SCUBE2: variants seen among roughly 807,000 people sequenced by gnomAD.
SCUBE2 encodes the protein signal peptide, CUB domain and EGF like domain containing 2.
A neutral mutation model predicts 125.9 loss-of-function variants in SCUBE2; 114 were observed. The observed-to-expected ratio is 0.91, with a 90% CI of 0.78 to 1.06. The LOEUF (loss-of-function observed/expected upper bound fraction) is 1.06. SCUBE2 is among the 50% of genes least tolerant of loss of function. The probability of loss-of-function intolerance (pLI) is 0.00; values close to 1 mark genes in which losing one functional copy is unlikely to be tolerated. For synonymous variants in SCUBE2, 459 were observed against 492.9 expected, an observed-to-expected ratio of 0.93 and a Z score of 0.91; for missense variants, 1,255 against 1,301.8, an observed-to-expected ratio of 0.96 and a Z score of 0.55.
intron 13 of SCUBE2, among the ~76,000 whole-genome samples, chr11:9,051,990 C>A (rs1858463371): frequency 6.6e-6 from 1 of 152,146 alleles, no homozygotes; most frequent in Non-Finnish European, 1.5e-5. Flanking sequence ...ATCCCAGCTC[C>A]CCTATTTCTT....
intron 16 of SCUBE2, among the ~76,000 whole-genome samples, chr11:9,042,366 C>A (rs995150218): frequency 6.6e-6 from 1 of 151,980 alleles, no homozygotes; most frequent in Non-Finnish European, 1.5e-5. Context: ...GCCGCAGTAA[C>A]CTTCCAAGAT....
intron 14 of SCUBE2, among the ~76,000 whole-genome samples, chr11:9,049,698 T>G (rs1221340567): frequency 6.6e-6 from 1 of 152,208 alleles, no homozygotes; most frequent in Non-Finnish European, 1.5e-5. Flanking sequence ...AGGGTGAGTT[T>G]TCTTTTTGTT....
chr11:9,027,099 C>T lies in SCUBE2; in HGVS notation c.2701+265G>A, dbSNP rs1855829262. ...ATGATCCTCACTGGCTCTCTGGGTC[C>T]TTGTGGAAGAGGGTCCAAAACGCCC... On this transcript the variant is annotated intron_variant, in intron 20 of 22. Transcript: ENST00000649792. 16 of 483,724 alleles carry T rather than the reference C, an allele frequency of 3.3e-5. No homozygotes were observed. The South Asian group carries it at 3.4e-4, about 10-fold the overall frequency. 30.0% of individuals were successfully genotyped at this position (483,724 alleles called of 1,614,324 possible).
At chr11:9,044,985 C>A (rs151068110) in intron 16 of SCUBE2, among the ~76,000 whole-genome samples, 4 of 152,296 alleles carry the variant, frequency 2.6e-5, no homozygotes, top group African/African-American at 9.6e-5. Flanking sequence ...CACTTCCCTG[C>A]AGCCCTGCTC....
Position 9,089,792 on chromosome 11 carries a change from A to T in SCUBE2, c.171T>A (p.His57Gln). 1 of 1,613,986 alleles carries T rather than the reference A, an allele frequency of 6.2e-7. No homozygotes were observed. The highest frequency in any genetic ancestry group is 8.5e-7 in the Non-Finnish European group (1 of 1,179,914). Reference sequence around the variant, plus strand: ...GTGTGTTCTGACACAGGGCGTCGGCATGGCAGTCATCTAGCCCTTGGGCAC... The same window carrying T: ...GTGTGTTCTGACACAGGGCGTCGGCTTGGCAGTCATCTAGCCCTTGGGCAC... ...DECAQGLDDC[H>Q]ADALCQNTPT... The change falls in exon 2 of 23, where the codon CAT becomes CAA. Residue 57 changes from histidine to glutamine, a missense_variant. His to Gln is a conservative substitution (Grantham distance 24). Coordinates refer to ENST00000649792, the MANE Select transcript of SCUBE2 (RefSeq NM_001367977.2).
At chr11:9,022,108 C>G in intron 21 of SCUBE2, 153 bp from the exon 22 acceptor site, 2 of 599,274 alleles carry the variant, frequency 3.3e-6, no homozygotes, top group Non-Finnish European at 3.1e-6. Context: ...AAGAAAACTT[C>G]CACAGACTCC....
intron 16 of SCUBE2, among the ~76,000 whole-genome samples, chr11:9,036,109 C>T (rs1013501061): frequency 1.3e-5 from 2 of 152,168 alleles, no homozygotes; most frequent in African/African-American, 4.8e-5. Flanking sequence ...TGGCTGGTCT[C>T]GAACTCCTGA....
chr11:9,034,507 G>A (rs1326120541), intron 16 of SCUBE2, among the ~76,000 whole-genome samples: 1 of 152,134 alleles, frequency 6.6e-6, no homozygotes, highest in Non-Finnish European at 1.5e-5. Flanking sequence ...CTGAGCCTAA[G>A]AATTTGAGTC....
At chr11:9,071,939 C>T (rs7929797) in intron 4 of SCUBE2, among the ~76,000 whole-genome samples, 133,090 of 152,012 alleles carry the variant, frequency 0.88, 58,368 homozygotes, top group Middle Eastern at 0.9. Flanking sequence ...GGGTGATGTG[C>T]TTCTCTCCAG....
intron 13 of SCUBE2, among the ~76,000 whole-genome samples, 154 bp downstream of exon 13, chr11:9,052,592 C>G (rs548489572): frequency 6.6e-6 from 1 of 152,276 alleles, no homozygotes; most frequent in South Asian, 2.1e-4. Context: ...TTCCGGGCAC[C>G]AGGACTGCAG....
intron 4 of SCUBE2, 101 bp from the exon 5 acceptor site, chr11:9,069,596 CT>C: frequency 6.8e-7 from 1 of 1,465,028 alleles, no homozygotes. Flanking sequence ...GATCTGTCTG[CT>C]TAGGTCTCCA....
At chr11:9,030,105 C>T (rs1393444074) in intron 18 of SCUBE2, 60 bp from the exon 19 acceptor site, 1 of 1,555,776 alleles carries the variant, frequency 6.4e-7, no homozygotes, top group African/African-American at 1.4e-5. Context: ...TAATCAAATG[C>T]AGCACAAAGA....
chr11:9,079,475 G>T lies in SCUBE2; in HGVS notation c.291C>A (p.Gly97=). 2 of 1,613,848 alleles carry T rather than the reference G, an allele frequency of 1.2e-6. No homozygotes were observed. The highest frequency in any genetic ancestry group is 1.7e-5 in the Admixed American group (1 of 60,004). Residue 97 remains glycine (G), a synonymous_variant, in exon 3 of 23, where the codon GGC becomes GGA. Coordinates refer to ENST00000649792, the MANE Select transcript of SCUBE2 (RefSeq NM_001367977.2). ...GAATATTCAAACAGTCATGGACACA[G>T]CCTCCATTGAGCTCATTTCCACATT... ...IDECGNELNG[G]CVHDCLNIPG... is the part of the protein sequence containing the mutation.
At chr11:9,043,377 T>C (rs1169813875) in intron 16 of SCUBE2, among the ~76,000 whole-genome samples, 3 of 152,206 alleles carry the variant, frequency 2.0e-5, no homozygotes, top group African/African-American at 7.2e-5. Context: ...TAGACATCCA[T>C]GTCATATAGT....
chr11:9,032,609 T>C (rs901760120), intron 17 of SCUBE2, among the ~76,000 whole-genome samples: 2 of 152,164 alleles, frequency 1.3e-5, no homozygotes, highest in Non-Finnish European at 2.9e-5. Flanking sequence ...GGCACGCACC[T>C]GTAATCCCAG....
At chr11:9,057,890 T>G (rs1859250686) in intron 9 of SCUBE2, among the ~76,000 whole-genome samples, 1 of 152,292 alleles carries the variant, frequency 6.6e-6, no homozygotes, top group African/African-American at 2.4e-5. Flanking sequence ...GGAGCAAGAA[T>G]ACATTACAGC....
At chr11:9,055,988 T>C (rs1474845199) in intron 9 of SCUBE2, 79 bp from the exon 10 acceptor site, 1 of 1,084,186 alleles carries the variant, frequency 9.2e-7, no homozygotes, top group Non-Finnish European at 1.4e-6. Flanking sequence ...TAAATACCAG[T>C]TGCTGACCAA....
At chr11:9,062,297 C>T (rs1859757788) in intron 7 of SCUBE2, among the ~76,000 whole-genome samples, 1 of 152,220 alleles carries the variant, frequency 6.6e-6, no homozygotes, top group Admixed American at 6.5e-5. Flanking sequence ...ACCCAGGATG[C>T]TAGCAGCCAA....
chr11:9,058,203 C>T (rs1377066066), intron 9 of SCUBE2, among the ~76,000 whole-genome samples: 1 of 152,198 alleles, frequency 6.6e-6, no homozygotes, highest in Non-Finnish European at 1.5e-5. Context: ...TGGCCCACGC[C>T]TGTAATCCCA....
Sources: allele counts gnomAD v4.1 joint callset (sites outside exome capture counted in the v4.1 genomes callset), GRCh38; gene constraint gnomAD v4.1.1; transcripts MANE v1.5; gene names NCBI Gene and HGNC (gene_info 2026-07-23, HGNC 2026-07-21).